The following DCDC2C variants were observed in gnomAD, a reference collection of about 807,000 sequenced individuals.
The protein encoded by DCDC2C is doublecortin domain containing 2C.
Under a neutral mutation model 45.0 loss-of-function variants are expected in DCDC2C, and 44 were observed. That is an observed-to-expected ratio of 0.98 (90% CI 0.77 to 1.26). DCDC2C has a LOEUF of 1.26. Ranked by LOEUF, DCDC2C falls within the 50% of genes most tolerant of loss-of-function variation. The pLI is 0.00. For missense variants in DCDC2C, 447 were observed against 468.9 expected (o/e 0.95, Z 0.43); for synonymous variants, 187 against 178.8 (o/e 1.05, Z -0.37).
intron 3 of DCDC2C, among the ~76,000 whole-genome samples, chr2:3,739,398 T>C (rs1669127977): frequency 6.6e-6 from 1 of 152,136 alleles, no homozygotes; most frequent in East Asian, 1.9e-4. Context: ...ACCCTTGGCC[T>C]GCCACGCCCC....
At chr2:3,828,038 A>G (rs3921991) in intron 10 of DCDC2C, among the ~76,000 whole-genome samples, 146,228 of 152,286 alleles carry the variant, frequency 0.96, 70,469 homozygotes, top group East Asian at 1. Flanking sequence ...TCAAGTCAAA[A>G]TTCTGAGTAC....
intron 5 of DCDC2C, 28 bp from the exon 6 acceptor site, chr2:3,754,564 T>C: frequency 1.3e-6 from 2 of 1,548,024 alleles, no homozygotes; most frequent in Non-Finnish European, 1.7e-6. Context: ...GGCTTTACAT[T>C]TCAAGTTGAA....
At chr2:3,820,450 A>G (rs562389772) in intron 10 of DCDC2C, among the ~76,000 whole-genome samples, 71 of 152,292 alleles carry the variant, frequency 4.7e-4, no homozygotes, top group Middle Eastern at 3.4e-3. Context: ...GTTAGTGAGC[A>G]GCGAAAGCAG....
In DCDC2C at chr2:3,721,614, C is replaced by A. The variant is rs145668927; in HGVS notation, c.340-5389C>A. ...TGATATGGTTTTGCTATGTCCCCAC[C>A]CAAATCTTATCTTGTAACTTCTACG... On this transcript the variant is annotated intron_variant, in intron 2 of 10. Coordinates refer to ENST00000399143, the MANE Select transcript of DCDC2C (RefSeq NM_001287444.2). Among the ~76,000 whole-genome samples the A allele has an allele frequency of 1.3e-3, 191 of 152,238 alleles. 1 individual carries two copies. Among genetic ancestry groups the A allele is most frequent in the African/African-American group, 3.8e-3 (159 of 41,540 alleles).
Position 3,847,252 on chromosome 2 carries a change from A to G in DCDC2C, c.*69A>G, listed in dbSNP as rs772237315. On this transcript the variant is annotated 3_prime_UTR_variant, in exon 11 of 11. Coordinates refer to ENST00000399143, the MANE Select transcript of DCDC2C (RefSeq NM_001287444.2). ...CATGGGGCTTCCACGTCACATATGG[A>G]CATTTTAACAGCAAGAAAATCACAT... 1 of 1,067,844 alleles carries G rather than the reference A, an allele frequency of 9.4e-7. No individual in the cohort carries two copies. Among genetic ancestry groups the G allele is most frequent in the South Asian group, 4.8e-5 (1 of 20,930 alleles). 66.1% of individuals were successfully genotyped at this position (1,067,844 alleles called of 1,614,324 possible).
At chr2:3,719,239 C>A (rs555910354) in intron 2 of DCDC2C, among the ~76,000 whole-genome samples, 18 of 152,126 alleles carry the variant, frequency 1.2e-4, no homozygotes, top group Non-Finnish European at 2.6e-4. Flanking sequence ...GTGCCCGCCA[C>A]CATGCCAGCT....
At chr2:3,801,865 G>C (rs1671123365) in intron 10 of DCDC2C, among the ~76,000 whole-genome samples, 1 of 152,250 alleles carries the variant, frequency 6.6e-6, no homozygotes, top group African/African-American at 2.4e-5. Context: ...TGGGCTCCCA[G>C]CCCTGGGCTG....
At chr2:3,704,193 G>T in intron 1 of DCDC2C, 155 bp downstream of exon 1, 1 of 654,736 alleles carries the variant, frequency 1.5e-6, no homozygotes, top group Non-Finnish European at 2.2e-6. Flanking sequence ...GCCGGCGTCG[G>T]GCCGCCCCAG....
chr2:3,769,114 A>G, intron 7 of DCDC2C, 197 bp from the exon 8 acceptor site: 1 of 551,180 alleles, frequency 1.8e-6, no homozygotes, highest in Admixed American at 3.0e-5. Flanking sequence ...CACCACGCTG[A>G]GCACCTTGGC....
chr2:3,768,020 T>G, intron 7 of DCDC2C, 140 bp downstream of exon 7: 1 of 1,028,540 alleles, frequency 9.7e-7, no homozygotes, highest in Non-Finnish European at 1.3e-6. Context: ...AATAAAAGGT[T>G]CAGCTTGTAG....
At chr2:3,778,688 C>A in intron 8 of DCDC2C, 128 bp from the exon 9 acceptor site, 1 of 776,904 alleles carries the variant, frequency 1.3e-6, no homozygotes, top group Non-Finnish European at 2.1e-6. Flanking sequence ...TCTGGAGAAA[C>A]TGCAGTGACT....
chr2:3,767,915 G>A (rs1368956964), intron 7 of DCDC2C, 35 bp downstream of exon 7: 26 of 1,412,942 alleles, frequency 1.8e-5, no homozygotes, highest in South Asian at 1.7e-4. Context: ...TAGGCAGTTC[G>A]AAACTTTACC....
chr2:3,736,375 G>A (rs1007584925), intron 3 of DCDC2C, among the ~76,000 whole-genome samples: 1 of 152,202 alleles, frequency 6.6e-6, no homozygotes, highest in African/African-American at 2.4e-5. Flanking sequence ...TGGGTGACTC[G>A]GAGGAACGGA....
intron 10 of DCDC2C, among the ~76,000 whole-genome samples, chr2:3,791,446 A>AC (rs1402448627): frequency 6.6e-6 from 1 of 152,186 alleles, no homozygotes. Flanking sequence ...TGTATTCACG[A>AC]CAATTTTAGA....
intron 10 of DCDC2C, among the ~76,000 whole-genome samples, chr2:3,834,115 C>A (rs117789364): frequency 3.5e-5 from 5 of 141,576 alleles, no homozygotes; most frequent in African/African-American, 1.3e-4. Context: ...CCATCCCTGG[C>A]CCAAGCCTCC....
At chr2:3,778,361 A>T (rs754341262) in intron 8 of DCDC2C, among the ~76,000 whole-genome samples, 2 of 152,204 alleles carry the variant, frequency 1.3e-5, no homozygotes, top group Non-Finnish European at 2.9e-5. Context: ...AGGCTCCAGG[A>T]CACAGATTAG....
At chr2:3,728,711 A>G (rs1393914191) in intron 3 of DCDC2C, among the ~76,000 whole-genome samples, 1 of 152,250 alleles carries the variant, frequency 6.6e-6, no homozygotes, top group Non-Finnish European at 1.5e-5. Flanking sequence ...CCTTGTCGCT[A>G]TAAAAACACA....
chr2:3,823,259 T>G (rs1273829593), intron 10 of DCDC2C, among the ~76,000 whole-genome samples: 3 of 152,210 alleles, frequency 2.0e-5, no homozygotes, highest in African/African-American at 7.2e-5. Context: ...AGAGCATGTT[T>G]TTAGATTTTC....
chr2:3,804,131 A>G (rs367612702), intron 10 of DCDC2C, among the ~76,000 whole-genome samples: 1 of 152,142 alleles, frequency 6.6e-6, no homozygotes, highest in Non-Finnish European at 1.5e-5. Flanking sequence ...ACCACACCTT[A>G]TATTTCCCTG....
Sources: gnomAD v4.1 joint callset for allele counts (sites outside exome capture counted in the v4.1 genomes callset) on GRCh38, gnomAD v4.1.1 for gene constraint, MANE v1.5 for transcripts, NCBI Gene and HGNC (gene_info 2026-07-23, HGNC 2026-07-21) for gene names.